The following ALOX5 variants were observed in gnomAD, a reference collection of about 807,000 sequenced individuals.
ALOX5 encodes the protein polyunsaturated fatty acid 5-lipoxygenase.
ALOX5 carries 64 observed loss-of-function variants against 87.9 expected under a neutral mutation model. The observed-to-expected ratio is 0.73, with a 90% CI of 0.60 to 0.90. The LOEUF is 0.90. Among genes scored for constraint, ALOX5 ranks in the 40% least tolerant of loss-of-function variants. The probability of loss-of-function intolerance (pLI) is 0.00; values close to 1 mark genes in which losing one functional copy is unlikely to be tolerated. For synonymous variants in ALOX5, 388 were observed against 355.1 expected, an observed-to-expected ratio of 1.09 and a Z score of -1.04; for missense variants, 822 against 907.5, an observed-to-expected ratio of 0.91 and a Z score of 1.21.
intron 6 of ALOX5, chr10:45,428,261 A>C: frequency 7.2e-6 from 2 of 276,016 alleles, no homozygotes; most frequent in Non-Finnish European, 1.4e-5. Flanking sequence ...AGAGTCCGGC[A>C]GCATCATTTT....
Position 45,425,237 on chromosome 10 carries a change from C to A in ALOX5, c.834+105C>A. 7.3e-7 allele frequency: 1 copy of A among 1,362,682 alleles called. No individual in the cohort carries two copies. Among genetic ancestry groups the A allele is most frequent in the Non-Finnish European group, 9.8e-7 (1 of 1,016,976 alleles). The allele number at this position is 1,362,682 out of a possible 1,614,324, so 84.4% of individuals were successfully genotyped here. On this transcript the variant is annotated intron_variant, in intron 6 of 13. Coordinates refer to ENST00000374391, the MANE Select transcript of ALOX5 (RefSeq NM_000698.5). This position sits in a 1 kb window ranked among gnomAD's most constrained non-coding sequence, Gnocchi z 4.4. ...AGGCCACCAAGACGCTAACTGCAGG[C>A]CCATCTGGCCTACAGCAGCCGCTTC...
chr10:45,410,781 A>G (rs1841037520), intron 3 of ALOX5, among the ~76,000 whole-genome samples: 1 of 152,214 alleles, frequency 6.6e-6, no homozygotes, highest in East Asian at 1.9e-4. Flanking sequence ...AAAGAAACTA[A>G]CAGGATTTCA....
chr10:45,440,866 CA>C (rs1842213999), intron 8 of ALOX5, among the ~76,000 whole-genome samples: 1 of 152,212 alleles, frequency 6.6e-6, no homozygotes, highest in African/African-American at 2.4e-5. Context: ...CCTCGCTGGC[CA>C]GCCAGTAGAG....
chr10:45,428,713 C>A lies in ALOX5; in HGVS notation c.930C>A (p.Ile310=). ...CACTCCAGTTCCTGGCCGCTCCCAT[C>A]TGCTTGCTGTATAAGAACCTGGCCA... ...PCTLQFLAAP[I]CLLYKNLANK... The change falls in exon 7 of 14, where the codon ATC becomes ATA. Residue 310 remains isoleucine, a synonymous_variant. Transcript: ENST00000374391. 6.2e-7 allele frequency: 1 copy of A among 1,614,110 alleles called. No individual in the cohort carries two copies. The highest frequency in any genetic ancestry group is 8.5e-7 in the Non-Finnish European group (1 of 1,180,038).
At chr10:45,423,694 C>T (rs1841589293) in intron 4 of ALOX5, among the ~76,000 whole-genome samples, 1 of 152,214 alleles carries the variant, frequency 6.6e-6, no homozygotes, top group African/African-American at 2.4e-5. Flanking sequence ...CACGGTAGAG[C>T]AGCTGGATCT....
intron 4 of ALOX5, among the ~76,000 whole-genome samples, chr10:45,415,580 A>AT (rs200623643): frequency 4.6e-5 from 4 of 86,704 alleles, no homozygotes; most frequent in African/African-American, 2.0e-4. Context: ...AAGTATAATA[A>AT]TAAAAAAAAA....
At chr10:45,428,874 C>G (rs1841823448) in intron 7 of ALOX5, 110 bp downstream of exon 7, 3 of 1,403,696 alleles carry the variant, frequency 2.1e-6, no homozygotes, top group African/African-American at 2.9e-5. Flanking sequence ...TTGAAAGACA[C>G]TAGGGCTTCC....
chr10:45,409,907 T>C (rs1234931379), intron 3 of ALOX5, among the ~76,000 whole-genome samples: 1 of 152,270 alleles, frequency 6.6e-6, no homozygotes, highest in Non-Finnish European at 1.5e-5. Context: ...GAGGCCATCA[T>C]CTTCTAACCA....
At position 45,434,693 on chromosome 10, in the gene ALOX5, G is replaced by A. The variant is rs372004491; in HGVS notation, c.982-5737G>A. Among the ~76,000 whole-genome samples the A allele has an allele frequency of 2.6e-5, 4 of 152,388 alleles. No homozygotes were observed. In the East Asian group the frequency reaches 5.8e-4, roughly 22 times the overall value. The stretch of plus-strand genomic sequence containing the variant: ...AGGATGCAGCAGGCCTACTGTGCCA[G>A]CATGGGGACACAAGGACGCAGTGTC... On this transcript the variant is annotated intron_variant, in intron 7 of 13. Coordinates refer to ENST00000374391, the MANE Select transcript of ALOX5 (RefSeq NM_000698.5).
intron 2 of ALOX5, among the ~76,000 whole-genome samples, chr10:45,384,436 A>G (rs1839945984): frequency 6.6e-6 from 1 of 152,220 alleles, no homozygotes; most frequent in African/African-American, 2.4e-5. Context: ...CTTGCAGGTC[A>G]GGAATTTAGG....
chr10:45,396,463 G>T (rs1331627162), intron 3 of ALOX5, among the ~76,000 whole-genome samples: 1 of 152,144 alleles, frequency 6.6e-6, no homozygotes, highest in African/African-American at 2.4e-5. Flanking sequence ...ATGAACAATT[G>T]CATGCCAACA....
At chr10:45,384,919 T>C (rs944729639) in intron 2 of ALOX5, among the ~76,000 whole-genome samples, 6 of 152,112 alleles carry the variant, frequency 3.9e-5, no homozygotes, top group Non-Finnish European at 7.4e-5. Flanking sequence ...CTCAGCCCAC[T>C]GCAACCTCTG....
At chr10:45,439,994 G>A (rs935298799) in intron 7 of ALOX5, among the ~76,000 whole-genome samples, 5 of 152,210 alleles carry the variant, frequency 3.3e-5, no homozygotes, top group Non-Finnish European at 5.9e-5. Flanking sequence ...GGGAGCTCCA[G>A]CATTTCAGGG....
At chr10:45,445,227 C>T (rs1218236871) in intron 13 of ALOX5, among the ~76,000 whole-genome samples, 3 of 152,262 alleles carry the variant, frequency 2.0e-5, no homozygotes, top group Non-Finnish European at 4.4e-5. Flanking sequence ...CCCCCAGCTT[C>T]ATCTGCATCA....
intron 13 of ALOX5, 54 bp from the exon 14 acceptor site, chr10:45,445,454 A>AG: frequency 1.3e-6 from 2 of 1,572,586 alleles, no homozygotes; most frequent in Non-Finnish European, 1.7e-6. Context: ...CAGGCCTGTC[A>AG]GTTTACACGG....
chr10:45,420,358 G>A (rs1321420168), intron 4 of ALOX5, among the ~76,000 whole-genome samples: 6 of 152,170 alleles, frequency 3.9e-5, no homozygotes, highest in Admixed American at 3.9e-4. Context: ...TGTTAAAAAT[G>A]CATCATAAAA....
intron 3 of ALOX5, among the ~76,000 whole-genome samples, chr10:45,402,676 G>C (rs957040929): frequency 6.6e-6 from 1 of 152,214 alleles, no homozygotes; most frequent in African/African-American, 2.4e-5. Context: ...CAAAGGAAAA[G>C]ATTGGTAAGT....
At chr10:45,437,494 C>T (rs978969046) in intron 7 of ALOX5, among the ~76,000 whole-genome samples, 10 of 151,592 alleles carry the variant, frequency 6.6e-5, no homozygotes, top group East Asian at 1.9e-4. Flanking sequence ...TAAGCCTTTT[C>T]GCTTTGTGCT....
At chr10:45,408,423 GGC>G (rs2132750783) in intron 3 of ALOX5, among the ~76,000 whole-genome samples, 1 of 152,282 alleles carries the variant, frequency 6.6e-6, no homozygotes, top group South Asian at 2.1e-4. Flanking sequence ...GTTTCTGATT[GGC>G]AACTGCTTAA....
Sources: gnomAD v4.1 joint callset for allele counts (sites outside exome capture counted in the v4.1 genomes callset) on GRCh38, gnomAD v4.1.1 for gene constraint, Gnocchi (gnomAD v3.1) non-coding constraint, MANE v1.5 for transcripts, NCBI Gene and HGNC (gene_info 2026-07-23, HGNC 2026-07-21) for gene names.